The following ACSBG1 variants were observed in gnomAD, a reference collection of about 807,000 sequenced individuals.
The protein encoded by ACSBG1 is acyl-CoA synthetase bubblegum family member 1, also known as long-chain-fatty-acid--CoA ligase ACSBG1.
A neutral mutation model predicts 80.2 loss-of-function variants in ACSBG1; 39 were observed. That is an observed-to-expected ratio of 0.49 (90% CI 0.38 to 0.64). The LOEUF (loss-of-function observed/expected upper bound fraction) is 0.64, where lower values mean the gene tolerates loss of function less well. Among genes scored for constraint, ACSBG1 ranks in the 30% least tolerant of loss-of-function variants. The pLI is 0.00. For missense variants in ACSBG1, 828 were observed against 966.4 expected (o/e 0.86, Z 1.90); for synonymous variants, 392 against 379.5 (o/e 1.03, Z -0.38).
chr15:78,194,354 T>G, intron 3 of ACSBG1, 152 bp downstream of exon 3: 11 of 717,972 alleles, frequency 1.5e-5, no homozygotes, highest in Non-Finnish European at 6.8e-6. Context: ...GGGCCCAGCA[T>G]GGAGTATCAG....
intron 5 of ACSBG1, among the ~76,000 whole-genome samples, chr15:78,189,508 C>T (rs2075037551): frequency 6.6e-6 from 1 of 152,066 alleles, no homozygotes; most frequent in South Asian, 2.1e-4. Flanking sequence ...ATGATGAGTT[C>T]ATGTCCTTTG....
chr15:78,194,488 C>T lies in ACSBG1; in HGVS notation c.453+18G>A. 6.2e-7 allele frequency: 1 copy of T among 1,613,166 alleles called. No individual in the cohort carries two copies. Among genetic ancestry groups the T allele is most frequent in the South Asian group, 1.1e-5 (1 of 91,018 alleles). On this transcript the variant is annotated intron_variant, in intron 3 of 13. Coordinates refer to ENST00000258873, the MANE Select transcript of ACSBG1 (RefSeq NM_015162.5). ...CATCTGGGGAGGGGCAAGGCCTTGC[C>T]ATGAGGGGCCCCCTTACCTTCAGGA...
chr15:78,234,225 C>A, intron 1 of ACSBG1, 146 bp downstream of exon 1: 1 of 1,166,030 alleles, frequency 8.6e-7, no homozygotes, highest in Non-Finnish European at 1.2e-6. Context: ...TTCCATCTTA[C>A]GGATCGCCCA....
intron 5 of ACSBG1, among the ~76,000 whole-genome samples, chr15:78,185,065 G>T (rs1034245321): frequency 1.5e-4 from 23 of 150,334 alleles, no homozygotes; most frequent in African/African-American, 5.6e-4. Flanking sequence ...GAGAGAGAGA[G>T]AGAGAGAGAG....
chr15:78,179,056 T>A (rs949944871), intron 10 of ACSBG1: 2 of 571,320 alleles, frequency 3.5e-6, no homozygotes, highest in Non-Finnish European at 6.2e-6. Context: ...ATGGTAGAAC[T>A]TGGAGCACTG....
intron 1 of ACSBG1, among the ~76,000 whole-genome samples, chr15:78,226,056 A>G (rs2075397991): frequency 6.6e-6 from 1 of 152,242 alleles, no homozygotes; most frequent in African/African-American, 2.4e-5. Flanking sequence ...TGAGCAAGAA[A>G]GAAAATGAAA....
At chr15:78,208,526 A>G (rs2075238402) in intron 1 of ACSBG1, among the ~76,000 whole-genome samples, 1 of 151,622 alleles carries the variant, frequency 6.6e-6, no homozygotes, top group South Asian at 2.1e-4. Context: ...CCCATCTGTC[A>G]CTCCCTGTAC....
intron 1 of ACSBG1, among the ~76,000 whole-genome samples, chr15:78,217,376 A>G (rs943237420): frequency 6.6e-6 from 1 of 152,114 alleles, no homozygotes; most frequent in Non-Finnish European, 1.5e-5. Flanking sequence ...GAGTCACAAT[A>G]TATACTTGGG....
intron 1 of ACSBG1, chr15:78,213,338 G>C (rs1034362263): frequency 1.3e-5 from 2 of 152,398 alleles, no homozygotes; most frequent in African/African-American, 4.8e-5. Context: ...GCCTCTGGCA[G>C]CTCTCTCCTA....
intron 5 of ACSBG1, among the ~76,000 whole-genome samples, chr15:78,186,797 A>G (rs1250243461): frequency 6.6e-6 from 1 of 152,232 alleles, no homozygotes; most frequent in African/African-American, 2.4e-5. Context: ...TTCAAAAGCT[A>G]GCAGAAGGCA....
rs150696714 is a variant in ACSBG1 at position 78,222,401 on chromosome 15, C to T, written c.131+11970G>A. ...TTGTAAGGCTGGATGTGGTGGCTGA[C>T]GCCTGTAATTCCAGCACTTTGGGAG... On this transcript the variant is annotated intron_variant, in intron 1 of 13. Coordinates refer to ENST00000258873, the MANE Select transcript of ACSBG1 (RefSeq NM_015162.5). 4.3e-4 allele frequency among the ~76,000 whole-genome samples: 65 copies of T among 152,218 alleles called. 1 individual carries two copies. In the East Asian group the frequency reaches 6.2e-3, roughly 14 times the overall value.
In ACSBG1 at chr15:78,169,676, G is replaced by C. The variant is rs910571225; in HGVS notation, c.*1768C>G. 2 of 152,186 alleles carry C rather than the reference G, an allele frequency of 1.3e-5. No homozygotes were observed. The highest frequency in any genetic ancestry group is 4.8e-5 in the African/African-American group (2 of 41,452). 9.4% of individuals were successfully genotyped at this position (152,186 alleles called of 1,614,324 possible). Reference sequence around the variant, plus strand: ...ATATATTGGATACAAAGACACAAATGTATTGTGTGTTCAATTATTTTGTTG... The same window carrying C: ...ATATATTGGATACAAAGACACAAATCTATTGTGTGTTCAATTATTTTGTTG... On this transcript the variant is annotated 3_prime_UTR_variant, in exon 14 of 14. Coordinates refer to ENST00000258873, the MANE Select transcript of ACSBG1 (RefSeq NM_015162.5).
At chr15:78,202,631 A>G (rs2141360471) in intron 2 of ACSBG1, among the ~76,000 whole-genome samples, 1 of 152,328 alleles carries the variant, frequency 6.6e-6, no homozygotes, top group South Asian at 2.1e-4. Context: ...TCCTAAAAGG[A>G]AAGAACTTGA....
At chr15:78,198,351 C>CT (rs754538033) in intron 2 of ACSBG1, among the ~76,000 whole-genome samples, 46 of 144,314 alleles carry the variant, frequency 3.2e-4, no homozygotes, top group Non-Finnish European at 6.1e-4. Flanking sequence ...ACTATAATCT[C>CT]TTTTTTTGTT....
At chr15:78,217,248 C>T (rs2075319692) in intron 1 of ACSBG1, among the ~76,000 whole-genome samples, 2 of 152,206 alleles carry the variant, frequency 1.3e-5, no homozygotes, top group African/African-American at 4.8e-5. Context: ...GTTTTATGCA[C>T]CTTACACATG....
intron 2 of ACSBG1, among the ~76,000 whole-genome samples, chr15:78,202,118 C>G (rs1054525787): frequency 1.3e-5 from 2 of 152,186 alleles, no homozygotes; most frequent in Non-Finnish European, 2.9e-5. Context: ...TGCAGCAATG[C>G]TGGTTGTCAC....
rs1285323623 is a variant in ACSBG1, at chr15:78,178,363, A to G, written c.1702+251T>C. 6.6e-6 allele frequency among the ~76,000 whole-genome samples: 1 copy of G among 152,122 alleles called. No individual in the cohort carries two copies. The highest frequency in any genetic ancestry group is 2.4e-5 in the African/African-American group (1 of 41,424). Reference sequence around the variant, plus strand: ...TCCCAGGCTGGTGTGCAAAGAGGCAATCTCAGCTCACTGCAACCTCTGCCT... The same window carrying G: ...TCCCAGGCTGGTGTGCAAAGAGGCAGTCTCAGCTCACTGCAACCTCTGCCT... On this transcript the variant is annotated intron_variant, in intron 11 of 13. Transcript: ENST00000258873. The surrounding 1 kb of genome is among the most constrained non-coding windows in gnomAD (Gnocchi z 4.3).
chr15:78,203,463 TGA>T (rs767499374), intron 2 of ACSBG1, among the ~76,000 whole-genome samples: 1 of 152,250 alleles, frequency 6.6e-6, no homozygotes, highest in Non-Finnish European at 1.5e-5. Context: ...CCAAGTCAGC[TGA>T]GAGCTGGGGG....
chr15:78,206,151 C>T (rs1458589927), intron 2 of ACSBG1, among the ~76,000 whole-genome samples: 1 of 152,202 alleles, frequency 6.6e-6, no homozygotes, highest in Non-Finnish European at 1.5e-5. Context: ...CCTCGGTGGC[C>T]TCCGCTCTGG....
Sources: gnomAD v4.1 joint callset for allele counts (sites outside exome capture counted in the v4.1 genomes callset) on GRCh38, gnomAD v4.1.1 for gene constraint, Gnocchi (gnomAD v3.1) non-coding constraint, MANE v1.5 for transcripts, NCBI Gene and HGNC (gene_info 2026-07-23, HGNC 2026-07-21) for gene names.